GPRIN3: variants seen among roughly 807,000 people sequenced by gnomAD.
GPRIN3 encodes GPRIN family member 3, also known as G protein-regulated inducer of neurite outgrowth 3.
Under a neutral mutation model 13.7 loss-of-function variants are expected in GPRIN3, and 12 were observed. The ratio of observed to expected loss-of-function variants is 0.87; its 90% CI spans 0.56 to 1.42. The LOEUF is 1.42. Among genes scored for constraint, GPRIN3 ranks in the 40% most tolerant of loss-of-function variants. GPRIN3 has a pLI of 0.00. For missense variants in GPRIN3, 1,009 were observed against 958.7 expected, an observed-to-expected ratio of 1.05 and a Z score of -0.69; for synonymous variants, 377 against 372.7, an observed-to-expected ratio of 1.01 and a Z score of -0.13.
rs1722853644 is a variant in GPRIN3, at chr4:89,238,970, C to T, written c.*8810G>A. 6.6e-6 allele frequency: 1 copy of T among 152,114 alleles called. No individual in the cohort carries two copies. The highest frequency in any genetic ancestry group is 2.4e-5 in the African/African-American group (1 of 41,426). The allele number at this position is 152,114 out of a possible 1,614,324, so 9.4% of individuals were successfully genotyped here. A position where few individuals can be genotyped will look rare whatever the true frequency, so the allele number is the denominator to read the frequency against. ...AATATCAGAATTTTAAGCATCCATT[C>T]AAAAATCAAATCCAAAATGAAGGTG... is the stretch of plus-strand genomic sequence containing the variant. On this transcript the variant is annotated 3_prime_UTR_variant, in exon 2 of 2. Coordinates refer to ENST00000609438, the MANE Select transcript of GPRIN3 (RefSeq NM_198281.3).
At chr4:89,262,029 G>A (rs1723643894) in intron 1 of GPRIN3, among the ~76,000 whole-genome samples, 1 of 151,818 alleles carries the variant, frequency 6.6e-6, no homozygotes. Flanking sequence ...AGGAGGCTGA[G>A]GTGGTGGAAC....
At position 89,248,712 on chromosome 4, in the gene GPRIN3, C is replaced by T. The variant is rs758693363; in HGVS notation, c.1399G>A (p.Ala467Thr). ...GCACTGATAGAAATCTGGTCAATGG[C>T]GGTAGCTTTCAGGGAGCTAGAATTA... Reference protein sequence around the residue: ...GTNSSSLKATAIDQISISACS... With the variant: ...GTNSSSLKATTIDQISISACS... Residue 467 changes from alanine (A) to threonine (T), a missense_variant, in exon 2 of 2, where the codon GCC (alanine) becomes ACC (threonine). By Grantham distance (58) the Ala-to-Thr change is moderately conservative. Coordinates refer to ENST00000609438, the MANE Select transcript of GPRIN3 (RefSeq NM_198281.3). The T allele has an allele frequency of 4.3e-6, 7 of 1,614,006 alleles. No homozygotes were observed. The highest frequency in any genetic ancestry group is 3.3e-5 in the South Asian group (3 of 91,078).
chr4:89,296,140 C>T (rs139002548), intron 1 of GPRIN3, among the ~76,000 whole-genome samples: 247 of 152,134 alleles, frequency 1.6e-3, no homozygotes, highest in Non-Finnish European at 3.1e-3. Flanking sequence ...ACTGTGTTAC[C>T]TCCGGGAACA....
At chr4:89,281,660 A>C (rs1185584958) in intron 1 of GPRIN3, among the ~76,000 whole-genome samples, 3 of 152,184 alleles carry the variant, frequency 2.0e-5, no homozygotes, top group Admixed American at 6.5e-5. Context: ...ACTGGAAGGA[A>C]CTAACCCTGC....
chr4:89,258,973 C>A (rs760134866), intron 1 of GPRIN3, among the ~76,000 whole-genome samples: 1 of 152,176 alleles, frequency 6.6e-6, no homozygotes, highest in African/African-American at 2.4e-5. Context: ...AATAAACAAT[C>A]GTGAGTTATT....
At position 89,247,131 on chromosome 4, in the gene GPRIN3, T is replaced by C. The variant is rs767667801; in HGVS notation, c.*649A>G. On this transcript the variant is annotated 3_prime_UTR_variant, in exon 2 of 2. Transcript: ENST00000609438. ...TAATGTTCCTAATATAACTTTCTTA[T>C]ATTTATTAACAGCAATAAGAAGGTT... The C allele has an allele frequency of 2.0e-5, 3 of 152,252 alleles. No homozygotes were observed. Among genetic ancestry groups the C allele is most frequent in the Non-Finnish European group, 4.4e-5 (3 of 68,048 alleles). The allele number at this position is 152,252 out of a possible 1,614,324, so 9.4% of individuals were successfully genotyped here.
chr4:89,257,975 G>A (rs545778752), intron 1 of GPRIN3, among the ~76,000 whole-genome samples: 2 of 152,036 alleles, frequency 1.3e-5, no homozygotes, highest in East Asian at 3.9e-4. Flanking sequence ...GCATGTACGT[G>A]TACACACACA....
At chr4:89,276,104 C>G (rs1194864907) in intron 1 of GPRIN3, among the ~76,000 whole-genome samples, 1 of 152,188 alleles carries the variant, frequency 6.6e-6, no homozygotes, top group Admixed American at 6.5e-5. Context: ...CCCATCTTGT[C>G]CCTTGCCACA....
chr4:89,262,133 A>G (rs1312741095), intron 1 of GPRIN3, among the ~76,000 whole-genome samples: 1 of 151,758 alleles, frequency 6.6e-6, no homozygotes, highest in Non-Finnish European at 1.5e-5. Flanking sequence ...CTCAAAAAAA[A>G]AAAAAAAAAA....
At chr4:89,253,471 A>C (rs1412439377) in intron 1 of GPRIN3, among the ~76,000 whole-genome samples, 2 of 152,202 alleles carry the variant, frequency 1.3e-5, no homozygotes, top group Non-Finnish European at 2.9e-5. Context: ...AGGTCTCATA[A>C]AGCCAGGAAC....
chr4:89,296,229 G>A (rs546884378), intron 1 of GPRIN3, among the ~76,000 whole-genome samples: 9 of 152,068 alleles, frequency 5.9e-5, no homozygotes, highest in Middle Eastern at 3.4e-3. Flanking sequence ...TAAGACTAAT[G>A]CCTCTAGGTG....
intron 1 of GPRIN3, among the ~76,000 whole-genome samples, chr4:89,306,495 C>A (rs192519438): frequency 4.6e-5 from 7 of 152,244 alleles, no homozygotes; most frequent in Admixed American, 2.0e-4. Flanking sequence ...CCACCATGAC[C>A]CAGATACCTT....
intron 1 of GPRIN3, among the ~76,000 whole-genome samples, chr4:89,276,041 G>A (rs1169358899): frequency 6.6e-6 from 1 of 152,148 alleles, no homozygotes; most frequent in African/African-American, 2.4e-5. Flanking sequence ...GGAAATTCTT[G>A]CTATAATTAG....
intron 1 of GPRIN3, among the ~76,000 whole-genome samples, chr4:89,258,318 G>A (rs1208890632): frequency 6.6e-6 from 1 of 151,620 alleles, no homozygotes; most frequent in East Asian, 2.0e-4. Flanking sequence ...CTGGGTTCAA[G>A]CAATTCTCGT....
chr4:89,268,786 A>G (rs1353858082), intron 1 of GPRIN3, among the ~76,000 whole-genome samples: 1 of 152,184 alleles, frequency 6.6e-6, no homozygotes, highest in Non-Finnish European at 1.5e-5. Flanking sequence ...GACATCATGT[A>G]GGTAGCTTGA....
intron 1 of GPRIN3, among the ~76,000 whole-genome samples, chr4:89,268,205 G>A (rs1476532597): frequency 6.6e-6 from 1 of 152,164 alleles, no homozygotes; most frequent in African/African-American, 2.4e-5. Context: ...AAAGTCCACA[G>A]GTAGAGTGAT....
chr4:89,296,846 T>G (rs1724751992), intron 1 of GPRIN3, among the ~76,000 whole-genome samples: 1 of 152,268 alleles, frequency 6.6e-6, no homozygotes, highest in Admixed American at 6.5e-5. Flanking sequence ...ACCTAAAATA[T>G]CTGTCCTTGA....
At chr4:89,289,847 A>G (rs150377610) in intron 1 of GPRIN3, among the ~76,000 whole-genome samples, 316 of 152,220 alleles carry the variant, frequency 2.1e-3, no homozygotes, top group Non-Finnish European at 3.7e-3. Context: ...ATCTGATCAC[A>G]TCACTCTGAG....
rs773745520 is a variant in GPRIN3 at position 89,249,944 on chromosome 4, A to G, written c.167T>C (p.Leu56Pro). 54 of 1,614,052 alleles carry G rather than the reference A, an allele frequency of 3.3e-5. No individual in the cohort carries two copies. The highest frequency in any genetic ancestry group is 4.2e-5 in the Non-Finnish European group (49 of 1,180,022). ...GGCTTCGGCAGCTGCCCTGGGGCTG[A>G]GGTCTGGTTCTGCAGGGGCACCTGA... The part of the protein sequence containing the change: ...GFSGAPAEPD[L>P]SPRAAAEALM... The change falls in exon 2 of 2, where the codon CTC (leucine) becomes CCC (proline). Residue 56 changes from leucine to proline, a missense_variant. Leu to Pro is a moderately conservative substitution (Grantham distance 98). Transcript: ENST00000609438.
Sources: allele counts gnomAD v4.1 joint callset (sites outside exome capture counted in the v4.1 genomes callset), GRCh38; gene constraint gnomAD v4.1.1; transcripts MANE v1.5; gene names NCBI Gene and HGNC (gene_info 2026-07-23, HGNC 2026-07-21).